The following AXDND1 variants were observed in gnomAD, a reference collection of about 807,000 sequenced individuals.
The protein encoded by AXDND1 is axonemal dynein light chain domain containing 1, also known as axonemal dynein light chain domain-containing protein 1.
AXDND1 carries 110 observed loss-of-function variants against 137.5 expected under a neutral mutation model. That is an observed-to-expected ratio of 0.80 (90% CI 0.69 to 0.94). The LOEUF (loss-of-function observed/expected upper bound fraction) is 0.94. Among genes scored for constraint, AXDND1 ranks in the 40% least tolerant of loss-of-function variants. The probability of loss-of-function intolerance (pLI) is 0.00; values close to 1 mark genes in which losing one functional copy is unlikely to be tolerated. For synonymous variants in AXDND1, 414 were observed against 399.7 expected (o/e 1.04, Z -0.43); for missense variants, 1,191 against 1,169.8 (o/e 1.02, Z -0.26).
intron 3 of AXDND1, 125 bp downstream of exon 3, chr1:179,369,097 G>A: frequency 9.9e-7 from 1 of 1,015,156 alleles, no homozygotes; most frequent in East Asian, 2.6e-5. Context: ...GATTGATTGA[G>A]ACAGGGTCTT....
intron 8 of AXDND1, among the ~76,000 whole-genome samples, chr1:179,384,694 T>G (rs1648919742): frequency 6.6e-6 from 1 of 152,076 alleles, no homozygotes; most frequent in Admixed American, 6.6e-5. Context: ...TAGATTGGGG[T>G]TTTTTATTTT....
intron 17 of AXDND1, among the ~76,000 whole-genome samples, chr1:179,482,528 A>G (rs1364892842): frequency 3.9e-5 from 6 of 152,172 alleles, no homozygotes; most frequent in Non-Finnish European, 8.8e-5. Flanking sequence ...GTTCTTGGCT[A>G]CAGCATTCTG....
chr1:179,403,103 A>C (rs910448941), intron 11 of AXDND1, among the ~76,000 whole-genome samples: 4 of 152,298 alleles, frequency 2.6e-5, no homozygotes, highest in South Asian at 2.1e-4. Flanking sequence ...TTGGCTGGAA[A>C]CCTTACTGAT....
intron 21 of AXDND1, among the ~76,000 whole-genome samples, chr1:179,511,539 T>G (rs1572131125): frequency 6.6e-6 from 1 of 151,994 alleles, no homozygotes; most frequent in African/African-American, 2.4e-5. Flanking sequence ...GCAAGCATCT[T>G]TTTCCTATAA....
chr1:179,406,015 A>G (rs1200063189), intron 11 of AXDND1, among the ~76,000 whole-genome samples: 1 of 152,032 alleles, frequency 6.6e-6, no homozygotes, highest in East Asian at 1.9e-4. Flanking sequence ...TATTAATATG[A>G]ACTTCCCTCT....
Position 179,528,346 on chromosome 1 carries a change from A to G in AXDND1, c.2630A>G (p.Glu877Gly). The G allele has an allele frequency of 6.2e-7, 1 of 1,613,678 alleles. No homozygotes were observed. The highest frequency in any genetic ancestry group is 8.5e-7 in the Non-Finnish European group (1 of 1,179,578). The change falls in exon 23 of 26, where the codon GAG becomes GGG. Residue 877 changes from glutamate (E) to glycine (G), a missense_variant. By Grantham distance (98) the Glu-to-Gly change is moderately conservative. Coordinates refer to ENST00000367618, the MANE Select transcript of AXDND1 (RefSeq NM_144696.6). ...RAEEQPSTSTEKEKLIRFIGE... is the reference protein window; with the variant it reads ...RAEEQPSTSTGKEKLIRFIGE... ...TTCTAGCAACCTTCAACATCTACAG[A>G]GAAGGAAAAACTCATTCGATTCATT...
chr1:179,393,810 G>T, intron 9 of AXDND1, 93 bp from the exon 10 acceptor site: 1 of 1,121,366 alleles, frequency 8.9e-7, no homozygotes, highest in Non-Finnish European at 1.2e-6. Context: ...GTGTATAGCA[G>T]TGCTACTGAT....
At chr1:179,498,103 G>A (rs982322850) in intron 20 of AXDND1, among the ~76,000 whole-genome samples, 1 of 151,734 alleles carries the variant, frequency 6.6e-6, no homozygotes, top group East Asian at 1.9e-4. Flanking sequence ...TTATAAATTC[G>A]GTTCTATTCC....
At chr1:179,429,388 T>C in intron 12 of AXDND1, 130 bp from the exon 13 acceptor site, 1 of 484,364 alleles carries the variant, frequency 2.1e-6, no homozygotes, top group Admixed American at 4.4e-5. Flanking sequence ...TAATTCGTGT[T>C]AATGATTTAA....
chr1:179,394,088 A>G (rs1373138014), intron 10 of AXDND1, 45 bp downstream of exon 10: 1 of 1,547,812 alleles, frequency 6.5e-7, no homozygotes, highest in Non-Finnish European at 8.7e-7. Flanking sequence ...AGTCAATGTC[A>G]TGTCTCTAAA....
chr1:179,411,222 GA>G lies in AXDND1; in HGVS notation c.1189del (p.Arg397GlufsTer13). ...MENDMKKLVA[E>X]RDIWSSATYE... ...GAATGATATGAAAAAGTTAGTGGCA[GA>G]AAGAGATATCTGGAGCTCAGCCACA... On this transcript the variant is annotated frameshift_variant, in exon 12 of 26. Coordinates refer to ENST00000367618, the MANE Select transcript of AXDND1 (RefSeq NM_144696.6). LOFTEE classifies it high-confidence loss of function. The G allele has an allele frequency of 6.2e-7, 1 of 1,612,894 alleles. No homozygotes were observed. Among genetic ancestry groups the G allele is most frequent in the South Asian group, 1.1e-5 (1 of 90,838 alleles).
chr1:179,498,076 A>G (rs958804506), intron 20 of AXDND1, among the ~76,000 whole-genome samples: 1 of 152,196 alleles, frequency 6.6e-6, no homozygotes, highest in Admixed American at 6.5e-5. Flanking sequence ...AAAAATGGCC[A>G]TACTGCCCAA....
In AXDND1 at chr1:179,366,428, C is replaced by T; in HGVS notation, c.-82C>T. ...GGACTATGTGGCAGCCTGCAAGTCC[C>T]AGTGCGGCGCTGATTTGTGTCTAAA... On this transcript the variant is annotated 5_prime_UTR_variant, in exon 2 of 26. Transcript: ENST00000367618. The T allele has an allele frequency of 9.2e-7, 1 of 1,086,248 alleles. No homozygotes were observed. The highest frequency in any genetic ancestry group is 1.3e-5 in the South Asian group (1 of 78,854). 67.3% of individuals were successfully genotyped at this position (1,086,248 alleles called of 1,614,324 possible).
intron 14 of AXDND1, among the ~76,000 whole-genome samples, chr1:179,431,280 T>C (rs1212113038): frequency 6.6e-6 from 1 of 152,154 alleles, no homozygotes; most frequent in African/African-American, 2.4e-5. Context: ...TAGCTGGGAT[T>C]ACAGGCATGC....
rs568184703 is a variant in AXDND1, at chr1:179,413,174, C to T, written c.1230+1908C>T. 2.2e-4 allele frequency among the ~76,000 whole-genome samples: 32 copies of T among 143,450 alleles called. 1 individual carries two copies. Among genetic ancestry groups the T allele is most frequent in the South Asian group, 7.0e-4 (3 of 4,296 alleles). 94.1% of individuals were successfully genotyped at this position (143,450 alleles called of 152,430 possible). ...TTGACATTGAACATTTACATACACT[C>T]GTGATACCCTCATGACAATCAAGGT... On this transcript the variant is annotated intron_variant, in intron 12 of 25. Transcript: ENST00000367618.
At chr1:179,455,861 A>G (rs1344333252) in intron 16 of AXDND1, 1 of 190,626 alleles carries the variant, frequency 5.2e-6, no homozygotes, top group Non-Finnish European at 1.1e-5. Context: ...ATTTAGTTTA[A>G]GACATAGTTT....
intron 25 of AXDND1, chr1:179,552,709 GGTGTGCAGCCATGATT>G: frequency 2.5e-6 from 4 of 1,580,654 alleles, no homozygotes; most frequent in Non-Finnish European, 3.5e-6. Context: ...CAGGTATGTA[GGTGTGCAGCCATGATT>G]TAGGGGCCAA....
In AXDND1 at chr1:179,430,497, A is replaced by G; in HGVS notation, c.1378A>G (p.Arg460Gly). 1 of 1,613,978 alleles carries G rather than the reference A, an allele frequency of 6.2e-7. No homozygotes were observed. Among genetic ancestry groups the G allele is most frequent in the African/African-American group, 1.3e-5 (1 of 75,048 alleles). ...ALLQKLTQKW[R>G]NLVNKLKQEV... ...GTTGCAGAAGTTGACACAAAAATGG[A>G]GAAACTTAGTGAATAAACTTAAACA... Residue 460 changes from arginine (R) to glycine (G), a missense_variant, in exon 14 of 26, where the codon AGA becomes GGA. Transcript: ENST00000367618.
intron 17 of AXDND1, among the ~76,000 whole-genome samples, chr1:179,473,196 A>G (rs1571986959): frequency 6.6e-6 from 1 of 152,064 alleles, no homozygotes; most frequent in Non-Finnish European, 1.5e-5. Context: ...AGATTTTACC[A>G]TAACCTCCTT....
Sources: gnomAD v4.1 joint callset for allele counts (sites outside exome capture counted in the v4.1 genomes callset) on GRCh38, gnomAD v4.1.1 for gene constraint, MANE v1.5 for transcripts, NCBI Gene and HGNC (gene_info 2026-07-23, HGNC 2026-07-21) for gene names.